Variants in CCDC180 observed in about 807,000 individuals in gnomAD.
The protein encoded by CCDC180 is coiled-coil domain-containing protein 180.
In CCDC180, 154 loss-of-function variants were observed where a neutral mutation model predicts 209.2. The observed-to-expected ratio is 0.74, with a 90% CI of 0.65 to 0.84. The LOEUF is 0.84. Among genes scored for constraint, CCDC180 ranks in the 40% least tolerant of loss-of-function variants. The pLI is 0.00. For synonymous variants in CCDC180, 778 were observed against 749.1 expected (o/e 1.04, Z -0.63); for missense variants, 1,874 against 1,997.3 (o/e 0.94, Z 1.18).
rs1825716361 is a variant in CCDC180 at position 97,330,725 on chromosome 9, GA to G, written c.2234del (p.Lys745ArgfsTer22). ...EEKLEEEKEE[K>X]EAQEEQESLS... ...AGAAGCTGGAGGAAGAGAAGGAGGAGAAGGAGGCACAGGAAGAGCAAGAGAG... is the reference window on the plus strand; with the variant it reads ...AGAAGCTGGAGGAAGAGAAGGAGGAGAGGAGGCACAGGAAGAGCAAGAGAG... On this transcript the variant is annotated frameshift_variant, in exon 18 of 37. Transcript: ENST00000529487. LOFTEE classifies it high-confidence loss of function. 1 of 1,605,146 alleles carries G rather than the reference GA, an allele frequency of 6.2e-7. No homozygotes were observed.
At chr9:97,353,811 T>G (rs1026616052) in intron 22 of CCDC180, among the ~76,000 whole-genome samples, 2 of 152,146 alleles carry the variant, frequency 1.3e-5, no homozygotes, top group African/African-American at 4.8e-5. Flanking sequence ...AGTCCTGGTA[T>G]CTGGTGGGGT....
intron 31 of CCDC180, among the ~76,000 whole-genome samples, chr9:97,367,382 G>T (rs963682756): frequency 3.9e-5 from 6 of 152,020 alleles, no homozygotes; most frequent in African/African-American, 1.4e-4. Flanking sequence ...GGGATAGCCA[G>T]AACTGGGCCA....
In CCDC180 at chr9:97,309,411, C is replaced by A; in HGVS notation, c.70-3C>A. The A allele has an allele frequency of 6.3e-7, 1 of 1,597,234 alleles. No individual in the cohort carries two copies. The highest frequency in any genetic ancestry group is 1.1e-5 in the South Asian group (1 of 88,218). ...CCCCATCCTTGGTCCTCCCTGGATT[C>A]AGGTGCAGCTGGTCCACTCCCTGGC... On this transcript the variant is annotated splice_region_variant and splice_polypyrimidine_tract_variant and intron_variant, in intron 2 of 36. Coordinates refer to ENST00000529487, the MANE Select transcript of CCDC180 (RefSeq NM_020893.6).
intron 18 of CCDC180, among the ~76,000 whole-genome samples, chr9:97,333,529 TG>T (rs1390208715): frequency 6.1e-5 from 9 of 147,906 alleles, no homozygotes; most frequent in Admixed American, 4.7e-4. Context: ...TTTTTTTTTT[TG>T]GTTTGTAGGC....
At chr9:97,364,420 G>C (rs1006920260) in intron 29 of CCDC180, 4 of 358,010 alleles carry the variant, frequency 1.1e-5, no homozygotes, top group South Asian at 6.3e-5. Flanking sequence ...ATTTTTTTCA[G>C]TGCTTTCCCC....
At position 97,348,124 on chromosome 9, in the gene CCDC180, G is replaced by C. The variant is rs867686824; in HGVS notation, c.2674+635G>C. 4.6e-4 allele frequency among the ~76,000 whole-genome samples: 69 copies of C among 149,138 alleles called. 1 individual carries two copies. Among genetic ancestry groups the C allele is most frequent in the Non-Finnish European group, 2.5e-4 (17 of 66,944 alleles). On this transcript the variant is annotated intron_variant, in intron 20 of 36. Transcript: ENST00000529487. ...TGGACTCTGTTAATGCGGGGCGGGG[G>C]GGGGGCATGTTTTCAGTAGGATCCT...
intron 34 of CCDC180, chr9:97,374,332 A>T: frequency 1.8e-6 from 1 of 550,402 alleles, no homozygotes; most frequent in Non-Finnish European, 3.2e-6. Flanking sequence ...CACCGCTTAG[A>T]TTCCTCCATC....
intron 36 of CCDC180, 117 bp downstream of exon 36, chr9:97,375,706 A>G (rs1343694553): frequency 2.2e-5 from 27 of 1,227,706 alleles, no homozygotes; most frequent in Non-Finnish European, 1.4e-5. Context: ...CAGGCAACAC[A>G]TGTCAGCACA....
chr9:97,326,494 T>TA, intron 14 of CCDC180, 60 bp from the exon 15 acceptor site: 2 of 1,014,964 alleles, frequency 2.0e-6, no homozygotes, highest in Non-Finnish European at 3.1e-6. Context: ...GCAGGTCACT[T>TA]ACACTCTGTG....
chr9:97,328,673 C>G (rs1384564670), intron 16 of CCDC180, among the ~76,000 whole-genome samples: 3 of 152,120 alleles, frequency 2.0e-5, no homozygotes, highest in Non-Finnish European at 4.4e-5. Context: ...CTCCACATAT[C>G]CCAAACCCAC....
intron 18 of CCDC180, among the ~76,000 whole-genome samples, chr9:97,336,367 A>T (rs905414125): frequency 3.3e-5 from 5 of 152,180 alleles, no homozygotes; most frequent in African/African-American, 4.8e-5. Context: ...ATCCAGTTTC[A>T]GCTTTCTACA....
At position 97,373,711 on chromosome 9, in the gene CCDC180, C is replaced by G. The variant is rs574784804; in HGVS notation, c.4601-832C>G. 8 of 152,398 alleles carry G rather than the reference C, an allele frequency of 5.2e-5. No individual in the cohort carries two copies. In the East Asian group the frequency reaches 1.5e-3, roughly 29 times the overall value. 9.4% of individuals were successfully genotyped at this position (152,398 alleles called of 1,614,324 possible). On this transcript the variant is annotated intron_variant, in intron 34 of 36. Transcript: ENST00000529487. Reference sequence around the variant, plus strand: ...CTCCTGTAATTGTGCTGAAGAGAATCTCTGCATCCATGCATCTCTAGAGCA... The same window carrying G: ...CTCCTGTAATTGTGCTGAAGAGAATGTCTGCATCCATGCATCTCTAGAGCA...
At chr9:97,359,861 C>A in intron 25 of CCDC180, 121 bp from the exon 26 acceptor site, 19 of 1,281,854 alleles carry the variant, frequency 1.5e-5, no homozygotes, top group Non-Finnish European at 2.1e-5. Flanking sequence ...ATGTGAGGAG[C>A]CTCCATTAAG....
chr9:97,330,241 C>T (rs373604535), intron 17 of CCDC180, 48 bp downstream of exon 17: 82 of 1,610,538 alleles, frequency 5.1e-5, no homozygotes, highest in East Asian at 2.2e-4. Flanking sequence ...TTCACTCTTA[C>T]GCGTTTGTGG....
chr9:97,318,634 G>A lies in CCDC180; in HGVS notation c.1079+52G>A, dbSNP rs1422545215. 3 of 1,596,630 alleles carry A rather than the reference G, an allele frequency of 1.9e-6. No individual in the cohort carries two copies. In the Admixed American group the frequency reaches 5.0e-5, roughly 27 times the overall value. On this transcript the variant is annotated intron_variant, in intron 10 of 36. Coordinates refer to ENST00000529487, the MANE Select transcript of CCDC180 (RefSeq NM_020893.6). ...GGGGTGCTTCTTGGGGTGCAGTGAG[G>A]GAGGCAGAAGTGGCCTGCAGTCTGT...
chr9:97,348,634 A>G (rs1420446306), intron 20 of CCDC180, among the ~76,000 whole-genome samples: 1 of 152,148 alleles, frequency 6.6e-6, no homozygotes, highest in African/African-American at 2.4e-5. Flanking sequence ...TTAAAGGCCC[A>G]TGATGGAGCT....
chr9:97,362,617 A>G (rs1349263235), intron 28 of CCDC180, among the ~76,000 whole-genome samples, 176 bp downstream of exon 28: 2 of 151,836 alleles, frequency 1.3e-5, no homozygotes, highest in East Asian at 1.9e-4. Context: ...CTGGTTGTCC[A>G]TGGTGCTGAT....
intron 8 of CCDC180, 131 bp from the exon 9 acceptor site, chr9:97,316,934 G>T: frequency 1.2e-6 from 1 of 821,826 alleles, no homozygotes; most frequent in Non-Finnish European, 1.9e-6. Context: ...TTCAGGCCCT[G>T]CAACCACCCC....
chr9:97,357,579 C>A, intron 24 of CCDC180, 48 bp from the exon 25 acceptor site: 1 of 1,245,152 alleles, frequency 8.0e-7, no homozygotes, highest in Non-Finnish European at 1.2e-6. Context: ...TTTCCCAGAT[C>A]ACAATATGTA....
Sources: allele counts gnomAD v4.1 joint callset (sites outside exome capture counted in the v4.1 genomes callset), GRCh38; gene constraint gnomAD v4.1.1; transcripts MANE v1.5; gene names NCBI Gene and HGNC (gene_info 2026-07-23, HGNC 2026-07-21).